TEX22: variants seen among roughly 807,000 people sequenced by gnomAD.
TEX22 encodes testis-expressed protein 22.
Under a neutral mutation model 11.3 loss-of-function variants are expected in TEX22, and 16 were observed. The observed-to-expected ratio is 1.42, with a 90% CI of 0.96 to 2.15. The LOEUF (loss-of-function observed/expected upper bound fraction) is 2.15, where lower values mean the gene tolerates loss of function less well. TEX22 is among the 30% of genes most tolerant of loss of function. TEX22 has a pLI of 0.00. For synonymous variants in TEX22, 97 were observed against 92.3 expected (o/e 1.05, Z -0.29); for missense variants, 220 against 208.6 (o/e 1.05, Z -0.34).
At chr14:105,401,051 T>G (rs1193685391) in intron 2 of TEX22, among the ~76,000 whole-genome samples, 1 of 152,080 alleles carries the variant, frequency 6.6e-6, no homozygotes, top group Non-Finnish European at 1.5e-5. Context: ...AAATCCTGAG[T>G]AAGTACTAGA....
chr14:105,405,668 C>T lies in TEX22; in HGVS notation c.151-5700C>T, dbSNP rs188692747. Reference sequence around the variant, plus strand: ...GACGCCTGTTGCGTGCAGCCGTGAGCGTGAGTCTCATAGACCTGTTCCTGA... The same window carrying T: ...GACGCCTGTTGCGTGCAGCCGTGAGTGTGAGTCTCATAGACCTGTTCCTGA... On this transcript the variant is annotated intron_variant, in intron 2 of 3. Transcript: ENST00000451127. 7.7e-4 allele frequency among the ~76,000 whole-genome samples: 117 copies of T among 152,282 alleles called. 3 individuals carry two copies. The highest frequency in any genetic ancestry group is 2.5e-3 in the African/African-American group (105 of 41,546).
intron 2 of TEX22, among the ~76,000 whole-genome samples, chr14:105,401,915 G>A (rs782685462): frequency 1.9e-4 from 29 of 152,350 alleles, no homozygotes; most frequent in Middle Eastern, 3.4e-3. Flanking sequence ...GCCAGGTGCG[G>A]TGGCTCATGC....
chr14:105,399,236 A>T, intron 1 of TEX22, 66 bp from the exon 2 acceptor site: 2 of 921,174 alleles, frequency 2.2e-6, no homozygotes, highest in Non-Finnish European at 3.2e-6. Flanking sequence ...CCAGGGACTC[A>T]GGTATTGGTG....
chr14:105,401,722 T>G (rs886585221), intron 2 of TEX22, among the ~76,000 whole-genome samples: 9 of 151,934 alleles, frequency 5.9e-5, no homozygotes, highest in Non-Finnish European at 1.0e-4. Flanking sequence ...CCCTAGAACT[T>G]AAAAGTATAA....
chr14:105,399,844 G>A (rs781870215), intron 2 of TEX22, among the ~76,000 whole-genome samples: 1 of 152,206 alleles, frequency 6.6e-6, no homozygotes, highest in Admixed American at 6.5e-5. Context: ...AGGTCCCCAG[G>A]GGGGGTGGTG....
At position 105,400,780 on chromosome 14, in the gene TEX22, G is replaced by C. The variant is rs187344839; in HGVS notation, c.150+1290G>C. ...GGTTGTTGGCCAAGGGTGGAAAGAG[G>C]TATGGGTGCATCTCTGCTGACGGGC... On this transcript the variant is annotated intron_variant, in intron 2 of 3. Coordinates refer to ENST00000451127, the MANE Select transcript of TEX22 (RefSeq NM_001195082.2). Among the ~76,000 whole-genome samples, 8 of 152,304 alleles carry C rather than the reference G, an allele frequency of 5.3e-5. No homozygotes were observed. In the East Asian group the frequency reaches 1.3e-3, roughly 26 times the overall value.
At chr14:105,402,773 A>G (rs947425720) in intron 2 of TEX22, among the ~76,000 whole-genome samples, 9 of 151,818 alleles carry the variant, frequency 5.9e-5, no homozygotes, top group Non-Finnish European at 7.4e-5. Context: ...AAAAAAAAAA[A>G]AGAGAAACCT....
intron 2 of TEX22, among the ~76,000 whole-genome samples, chr14:105,402,505 A>C (rs949119844): frequency 2.0e-5 from 3 of 152,112 alleles, no homozygotes; most frequent in South Asian, 2.1e-4. Context: ...CTGTAATCCC[A>C]GCACTTTGGG....
At chr14:105,408,722 C>A (rs1289248624) in intron 2 of TEX22, among the ~76,000 whole-genome samples, 2 of 152,198 alleles carry the variant, frequency 1.3e-5, no homozygotes, top group Non-Finnish European at 2.9e-5. Flanking sequence ...CCGTGCCCGG[C>A]CGCACTGCCT....
chr14:105,409,501 C>CTTT (rs1232769820), intron 2 of TEX22, among the ~76,000 whole-genome samples: 26 of 132,578 alleles, frequency 2.0e-4, no homozygotes, highest in African/African-American at 3.4e-4. Context: ...TCTTCTTCTT[C>CTTT]TTTTTTTTTT....
rs1324576782 is a variant in TEX22 at position 105,411,898 on chromosome 14, C to A, written c.*65C>A. On this transcript the variant is annotated 3_prime_UTR_variant, in exon 4 of 4. Coordinates refer to ENST00000451127, the MANE Select transcript of TEX22 (RefSeq NM_001195082.2). ...CCTTGGGGGCCCACGGTGGGGGCAG[C>A]CTCTGCGCCTTCTTTGTGCCCCACC... The A allele has an allele frequency of 1.5e-6, 2 of 1,356,828 alleles. No homozygotes were observed. Among genetic ancestry groups the A allele is most frequent in the East Asian group, 6.1e-5 (2 of 32,910 alleles). 84.0% of individuals were successfully genotyped at this position (1,356,828 alleles called of 1,614,324 possible).
In TEX22 at chr14:105,410,485, A is replaced by G. The variant is rs118142395; in HGVS notation, c.151-883A>G. ...CCTGGATTCCTTCCACATTTTCGCTATTGTGAATAATGACCACTGCTGTGT... is the reference window on the plus strand; with the variant it reads ...CCTGGATTCCTTCCACATTTTCGCTGTTGTGAATAATGACCACTGCTGTGT... On this transcript the variant is annotated intron_variant, in intron 2 of 3. Coordinates refer to ENST00000451127, the MANE Select transcript of TEX22 (RefSeq NM_001195082.2). Among the ~76,000 whole-genome samples the G allele has an allele frequency of 5.9e-3, 903 of 152,260 alleles. 8 individuals carry two copies. The highest frequency in any genetic ancestry group is 6.8e-3 in the Non-Finnish European group (465 of 68,020).
chr14:105,407,087 T>TTTTTA (rs2081662441), intron 2 of TEX22, among the ~76,000 whole-genome samples: 1 of 113,938 alleles, frequency 8.8e-6, no homozygotes, highest in African/African-American at 2.9e-5. Context: ...TTTTTTTTTT[T>TTTTTA]GAGACAGTCT....
In TEX22 at chr14:105,411,430, C is replaced by A; in HGVS notation, c.213C>A (p.Arg71=). ...GCTGGAGCGTCAGCATCGACGAGCG[C>A]CGGCGGCTGGCCACGCTGGGCGGCC... is the stretch of plus-strand genomic sequence containing the variant. ...GRRWSVSIDE[R]RRLATLGGRE... The change falls in exon 3 of 4, where the codon CGC becomes CGA. Residue 71 remains arginine, a synonymous_variant. Transcript: ENST00000451127. The A allele has an allele frequency of 8.0e-7, 1 of 1,246,080 alleles. No homozygotes were observed. Among genetic ancestry groups the A allele is most frequent in the Non-Finnish European group, 1.0e-6 (1 of 999,846 alleles). The allele number at this position is 1,246,080 out of a possible 1,614,324, so 77.2% of individuals were successfully genotyped here. A position where few individuals can be genotyped will look rare whatever the true frequency, so the allele number is the denominator to read the frequency against.
intron 2 of TEX22, among the ~76,000 whole-genome samples, chr14:105,402,484 G>T (rs782028482): frequency 6.6e-6 from 1 of 152,118 alleles, no homozygotes; most frequent in East Asian, 1.9e-4. Context: ...GCCGGGTGTG[G>T]TGGCTCACGC....
intron 2 of TEX22, among the ~76,000 whole-genome samples, chr14:105,408,651 T>G (rs2141361260): frequency 6.6e-6 from 1 of 152,308 alleles, no homozygotes; most frequent in African/African-American, 2.4e-5. Context: ...CTCAAACTCC[T>G]GACCTCTGGT....
chr14:105,406,743 A>T (rs1046525313), intron 2 of TEX22, among the ~76,000 whole-genome samples: 27 of 151,758 alleles, frequency 1.8e-4, no homozygotes, highest in African/African-American at 6.5e-4. Flanking sequence ...AGGTGGATCT[A>T]TGTGGAGTTG....
chr14:105,408,089 AT>A (rs1332910303), intron 2 of TEX22, among the ~76,000 whole-genome samples: 1 of 151,924 alleles, frequency 6.6e-6, no homozygotes, highest in East Asian at 1.9e-4. Context: ...CTTAAATCTT[AT>A]TTTTTTTAAA....
At chr14:105,409,272 T>C (rs2081675813) in intron 2 of TEX22, among the ~76,000 whole-genome samples, 1 of 152,062 alleles carries the variant, frequency 6.6e-6, no homozygotes, top group Non-Finnish European at 1.5e-5. Context: ...TTTGGTGGAG[T>C]ACATCTAGCA....
Sources: gnomAD v4.1 joint callset for allele counts (sites outside exome capture counted in the v4.1 genomes callset) on GRCh38, gnomAD v4.1.1 for gene constraint, MANE v1.5 for transcripts, NCBI Gene and HGNC (gene_info 2026-07-23, HGNC 2026-07-21) for gene names.